LAMC2: variants seen among roughly 807,000 people sequenced by gnomAD.
LAMC2 encodes laminin subunit gamma-2.
A neutral mutation model predicts 140.2 loss-of-function variants in LAMC2; 97 were observed. The ratio of observed to expected loss-of-function variants is 0.69; its 90% CI spans 0.59 to 0.82. LAMC2 has a LOEUF of 0.82. Ranked by LOEUF, LAMC2 falls within the 40% of genes least tolerant of loss-of-function variation. The probability of loss-of-function intolerance (pLI) is 0.00; values close to 1 mark genes in which losing one functional copy is unlikely to be tolerated. For synonymous variants in LAMC2, 513 were observed against 540.2 expected, an observed-to-expected ratio of 0.95 and a Z score of 0.70; for missense variants, 1,402 against 1,476.1, an observed-to-expected ratio of 0.95 and a Z score of 0.82.
At position 183,221,377 on chromosome 1, in the gene LAMC2, T is replaced by A. The variant is rs146030816; in HGVS notation, c.640+416T>A. On this transcript the variant is annotated intron_variant, in intron 5 of 22. Transcript: ENST00000264144. Reference sequence around the variant, plus strand: ...AATTAGTTCCCAAGCTACAGAACACTATAAAAATATTGGAAACTGATATTA... The same window carrying A: ...AATTAGTTCCCAAGCTACAGAACACAATAAAAATATTGGAAACTGATATTA... Among the ~76,000 whole-genome samples the A allele has an allele frequency of 2.0e-3, 304 of 152,296 alleles. 2 individuals are homozygous for A. The Middle Eastern group carries it at 0.024, about 12-fold the overall frequency.
At chr1:183,231,573 A>T (rs185869521) in intron 12 of LAMC2, among the ~76,000 whole-genome samples, 1 of 152,262 alleles carries the variant, frequency 6.6e-6, no homozygotes, top group African/African-American at 2.4e-5. Context: ...GAAGAAAAAC[A>T]TAAACATAAA....
intron 2 of LAMC2, among the ~76,000 whole-genome samples, chr1:183,208,465 A>G (rs1056569592): frequency 2.0e-5 from 3 of 152,184 alleles, no homozygotes; most frequent in African/African-American, 7.2e-5. Context: ...ATAGCCATCC[A>G]TTTGACCAAC....
chr1:183,253,450 A>G, the LAMC2 span, among the ~76,000 whole-genome samples: 31 of 152,012 alleles, frequency 2.0e-4, 1 homozygote, highest in African/African-American at 7.2e-4. Flanking sequence ...GAATAGCTAT[A>G]ATCTACTAAT....
intron 11 of LAMC2, among the ~76,000 whole-genome samples, chr1:183,229,918 C>G (rs1183321600): frequency 6.6e-6 from 1 of 152,204 alleles, no homozygotes; most frequent in Admixed American, 6.5e-5. Flanking sequence ...ATGACACCAA[C>G]AGGACTGAGT....
chr1:183,200,347 G>A (rs1023861559), intron 1 of LAMC2, among the ~76,000 whole-genome samples: 7 of 151,630 alleles, frequency 4.6e-5, no homozygotes, highest in South Asian at 2.1e-4. Flanking sequence ...CCAAGATCGC[G>A]CCACTGCACT....
intron 1 of LAMC2, among the ~76,000 whole-genome samples, chr1:183,190,818 C>G (rs960127874): frequency 5.3e-5 from 8 of 152,084 alleles, no homozygotes; most frequent in African/African-American, 1.7e-4. Flanking sequence ...AAATTATATT[C>G]AGTTATATTC....
At chr1:183,255,259 G>A in the LAMC2 span, among the ~76,000 whole-genome samples, 4 of 152,052 alleles carry the variant, frequency 2.6e-5, no homozygotes, top group South Asian at 2.1e-4. Context: ...CTCACTATTC[G>A]GTTCCACTGC....
Position 183,217,352 on chromosome 1 carries a change from CACAAACAA to C in LAMC2, c.405-1012_405-1005del, listed in dbSNP as rs112773271. Among the ~76,000 whole-genome samples the C allele has an allele frequency of 6.6e-3, 993 of 151,040 alleles. 12 individuals carry two copies. The highest frequency in any genetic ancestry group is 0.022 in the African/African-American group (914 of 40,940). On this transcript the variant is annotated intron_variant, in intron 3 of 22. Transcript: ENST00000264144. The stretch of plus-strand genomic sequence containing the variant: ...GATACCTTCATTGAGAAAATCTTGC[CACAAACAA>C]ACAAACAAACAAACAAACAAACAAA...
At chr1:183,190,477 A>G (rs1658296950) in intron 1 of LAMC2, among the ~76,000 whole-genome samples, 1 of 151,778 alleles carries the variant, frequency 6.6e-6, no homozygotes, top group South Asian at 2.1e-4. Context: ...ATCTCGTATC[A>G]TTCCTTCTCC....
chr1:183,243,280 C>T lies in LAMC2; in HGVS notation c.3462C>T (p.Gly1154=). 1.2e-6 allele frequency: 2 copies of T among 1,614,162 alleles called. No individual in the cohort carries two copies. The highest frequency in any genetic ancestry group is 1.7e-6 in the Non-Finnish European group (2 of 1,180,042). Residue 1154 remains glycine (G), a synonymous_variant, in exon 23 of 23, where the codon GGC becomes GGT. Coordinates refer to ENST00000264144, the MANE Select transcript of LAMC2 (RefSeq NM_005562.3). ...ELEERARQQR[G]HLHLLETSID... is the part of the protein sequence containing the mutation. The stretch of plus-strand genomic sequence containing the variant: ...AAGAGAGGGCACGTCAGCAGAGGGG[C>T]CACCTCCATTTGCTGGAGACAAGCA...
chr1:183,214,037 C>CA (rs72025893), intron 2 of LAMC2, among the ~76,000 whole-genome samples: 2,025 of 117,440 alleles, frequency 0.017, 32 homozygotes, highest in African/African-American at 0.047. Context: ...AACTTCGTCT[C>CA]AAAAAAAAAA....
At chr1:183,232,052 G>C in intron 12 of LAMC2, 135 bp from the exon 13 acceptor site, 12 of 1,047,156 alleles carry the variant, frequency 1.1e-5, no homozygotes, top group East Asian at 2.4e-5. Flanking sequence ...TAGGCTCCAG[G>C]GTCTAAAATT....
At chr1:183,200,117 G>A (rs112895755) in intron 1 of LAMC2, among the ~76,000 whole-genome samples, 5,925 of 152,270 alleles carry the variant, frequency 0.039, 153 homozygotes, top group South Asian at 0.11. Context: ...AGGGCCGGGC[G>A]CGGTGGCTCA....
At chr1:183,238,496 A>G (rs1660034498) in intron 19 of LAMC2, 75 bp downstream of exon 19, 3 of 932,548 alleles carry the variant, frequency 3.2e-6, no homozygotes, top group Non-Finnish European at 3.6e-6. Flanking sequence ...GAATTCTCAT[A>G]TGTCTCTCTA....
rs544409842 is a variant in LAMC2, at chr1:183,239,753, C to T, written c.3069+190C>T. On this transcript the variant is annotated intron_variant, in intron 20 of 22. Transcript: ENST00000264144. ...GAGAATGATGTGTTTTTTTGTCCTC[C>T]GGGTTTTCCCAAATGGTTCCTAACT... 1.1e-4 allele frequency: 74 copies of T among 646,968 alleles called. No individual in the cohort carries two copies. The Middle Eastern group carries it at 1.3e-3, about 11-fold the overall frequency. 40.1% of individuals were successfully genotyped at this position (646,968 alleles called of 1,614,324 possible). A position where few individuals can be genotyped will look rare whatever the true frequency, so the allele number is the denominator to read the frequency against.
chr1:183,226,599 T>C (rs1659632724), intron 8 of LAMC2, 99 bp from the exon 9 acceptor site: 1 of 1,034,288 alleles, frequency 9.7e-7, no homozygotes, highest in Non-Finnish European at 1.5e-6. Flanking sequence ...CCACCTGTCT[T>C]TGTTAGGGAG....
chr1:183,216,556 C>A (rs889576274), intron 3 of LAMC2, among the ~76,000 whole-genome samples: 1 of 152,068 alleles, frequency 6.6e-6, no homozygotes, highest in Non-Finnish European at 1.5e-5. Flanking sequence ...TTCCCTTCTT[C>A]AAAGAGCCAA....
At chr1:183,255,648 A>AC in the LAMC2 span, among the ~76,000 whole-genome samples, 1 of 139,908 alleles carries the variant, frequency 7.1e-6, no homozygotes, top group African/African-American at 2.9e-5. Context: ...CCTTTGTTAA[A>AC]TTTATTCCTA....
rs147781376 is a variant in LAMC2, at chr1:183,227,587, C to T, written c.1358C>T (p.Pro453Leu). The T allele has an allele frequency of 1.9e-5, 31 of 1,613,928 alleles. No individual in the cohort carries two copies. The highest frequency in any genetic ancestry group is 2.3e-5 in the Non-Finnish European group (27 of 1,180,008). The change falls in exon 10 of 23, where the codon CCG (proline) becomes CTG (leucine). Residue 453 changes from proline to leucine, a missense_variant. This residue lies in a region of LAMC2 where 723 missense variants were observed against 783.3 expected (regional missense o/e 0.92). Transcript: ENST00000264144. ...ADCPIGFYND[P>L]HDPRSCKPCP... ...TGCCCAATTGGTTTCTACAACGATCCGCACGACCCCCGCAGCTGCAAGCCA... is the reference window on the plus strand; with the variant it reads ...TGCCCAATTGGTTTCTACAACGATCTGCACGACCCCCGCAGCTGCAAGCCA...
Sources: allele counts gnomAD v4.1 joint callset (sites outside exome capture counted in the v4.1 genomes callset), GRCh38; gene constraint gnomAD v4.1.1; regional missense constraint gnomAD v4.1.1; transcripts MANE v1.5; gene names NCBI Gene and HGNC (gene_info 2026-07-23, HGNC 2026-07-21).